SLC1A2: variants seen among roughly 807,000 people sequenced by gnomAD.
SLC1A2 encodes excitatory amino acid transporter 2.
SLC1A2 carries 15 observed loss-of-function variants against 48.8 expected under a neutral mutation model. The ratio of observed to expected loss-of-function variants is 0.31; its 90% CI spans 0.21 to 0.47. The LOEUF (loss-of-function observed/expected upper bound fraction) is 0.47, where lower values mean the gene tolerates loss of function less well. Among genes scored for constraint, SLC1A2 ranks in the 20% least tolerant of loss-of-function variants. The pLI, the probability that SLC1A2 is intolerant of heterozygous loss-of-function variation, is 0.99. For missense variants in SLC1A2, 502 were observed against 730.5 expected (o/e 0.69, Z 3.61); for synonymous variants, 279 against 272.6 (o/e 1.02, Z -0.23).
At chr11:35,300,542 C>G (rs1851319450) in intron 6 of SLC1A2, among the ~76,000 whole-genome samples, 1 of 152,214 alleles carries the variant, frequency 6.6e-6, no homozygotes, top group South Asian at 2.1e-4. Context: ...AAGGTGCCAA[C>G]TACGAGGAAT....
intron 10 of SLC1A2, among the ~76,000 whole-genome samples, chr11:35,262,195 T>C (rs1950404059): frequency 6.6e-6 from 1 of 152,230 alleles, no homozygotes; most frequent in African/African-American, 2.4e-5. Context: ...CCAGAGAAAG[T>C]TGTCTGTTCA....
intron 1 of SLC1A2, among the ~76,000 whole-genome samples, chr11:35,335,167 T>A (rs1324447811): frequency 6.6e-6 from 1 of 152,100 alleles, no homozygotes; most frequent in African/African-American, 2.4e-5. Flanking sequence ...TATGCATTGA[T>A]GGGGGGGAAG....
intron 2 of SLC1A2, 31 bp from the exon 3 acceptor site, chr11:35,315,206 AT>A: frequency 6.3e-7 from 1 of 1,599,562 alleles, no homozygotes; most frequent in Non-Finnish European, 8.6e-7. Flanking sequence ...ATATGAATTT[AT>A]TTTTTGCCTT....
chr11:35,287,014 T>A (rs1850843634), intron 7 of SLC1A2, 63 bp from the exon 8 acceptor site: 1 of 1,264,704 alleles, frequency 7.9e-7, no homozygotes, highest in Non-Finnish European at 1.1e-6. Flanking sequence ...GGACAATGCA[T>A]AAACTGGAAT....
intron 1 of SLC1A2, among the ~76,000 whole-genome samples, chr11:35,324,156 A>C (rs986944709): frequency 6.6e-6 from 1 of 152,258 alleles, no homozygotes; most frequent in African/African-American, 2.4e-5. Flanking sequence ...CAGCTAATAC[A>C]ATGAATGGCA....
chr11:35,309,762 G>A (rs1205287517), intron 4 of SLC1A2, among the ~76,000 whole-genome samples: 2 of 152,188 alleles, frequency 1.3e-5, no homozygotes, highest in African/African-American at 4.8e-5. Flanking sequence ...CCCTTTAAAA[G>A]AGTTTCCTGT....
Position 35,260,784 on chromosome 11 carries a change from A to C in SLC1A2, c.*110T>G. The C allele has an allele frequency of 1.2e-6, 1 of 807,554 alleles. No individual in the cohort carries two copies. The highest frequency in any genetic ancestry group is 2.1e-6 in the Non-Finnish European group (1 of 472,596). 50.0% of individuals were successfully genotyped at this position (807,554 alleles called of 1,614,324 possible). On this transcript the variant is annotated 3_prime_UTR_variant, in exon 11 of 11. Coordinates refer to ENST00000278379, the MANE Select transcript of SLC1A2 (RefSeq NM_004171.4). ...AAGCCTCGGCTAACAGATTAAGTAA[A>C]CATAGAAATATACGCATTTTTTTCC...
intron 1 of SLC1A2, among the ~76,000 whole-genome samples, chr11:35,394,212 A>G (rs1439725513): frequency 1.3e-5 from 2 of 151,972 alleles, no homozygotes; most frequent in African/African-American, 4.8e-5. Flanking sequence ...ATGATGTTGC[A>G]GCAAAGGCCT....
At chr11:35,371,728 C>A (rs992240270) in intron 1 of SLC1A2, among the ~76,000 whole-genome samples, 3 of 152,186 alleles carry the variant, frequency 2.0e-5, no homozygotes, top group Admixed American at 2.0e-4. Flanking sequence ...TGCACCCAAG[C>A]AACCATCCAC....
At chr11:35,314,640 G>A (rs1041280047) in intron 3 of SLC1A2, among the ~76,000 whole-genome samples, 20 of 151,258 alleles carry the variant, frequency 1.3e-4, no homozygotes, top group Non-Finnish European at 7.4e-5. Context: ...TTGAACCCAC[G>A]AGGCACAGGT....
intron 5 of SLC1A2, among the ~76,000 whole-genome samples, chr11:35,304,714 A>T (rs1356269679): frequency 6.6e-6 from 1 of 151,972 alleles, no homozygotes; most frequent in African/African-American, 2.4e-5. Flanking sequence ...CTTTCTCTCT[A>T]CCATTCTAGA....
intron 9 of SLC1A2, among the ~76,000 whole-genome samples, chr11:35,279,747 T>A (rs1850562915): frequency 6.6e-6 from 1 of 152,208 alleles, no homozygotes; most frequent in African/African-American, 2.4e-5. Context: ...AACCTCAGTG[T>A]CCTCATCTAT....
At chr11:35,360,411 T>C (rs1383356881) in intron 1 of SLC1A2, among the ~76,000 whole-genome samples, 1 of 152,210 alleles carries the variant, frequency 6.6e-6, no homozygotes, top group Non-Finnish European at 1.5e-5. Flanking sequence ...CCTGAGCCTG[T>C]CAGTAGCTCT....
chr11:35,271,534 TA>T (rs375556973), intron 9 of SLC1A2, among the ~76,000 whole-genome samples: 76 of 152,320 alleles, frequency 5.0e-4, no homozygotes, highest in African/African-American at 1.8e-3. Context: ...TGCTTCAAAA[TA>T]AGGGTATGGC....
chr11:35,405,930 C>T (rs756410201), intron 1 of SLC1A2, among the ~76,000 whole-genome samples: 7 of 152,224 alleles, frequency 4.6e-5, no homozygotes, highest in African/African-American at 4.8e-5. Flanking sequence ...CACCTGTTCC[C>T]TTCTGTCGTC....
At chr11:35,382,442 A>G (rs567345775) in intron 1 of SLC1A2, among the ~76,000 whole-genome samples, 4 of 152,264 alleles carry the variant, frequency 2.6e-5, no homozygotes, top group African/African-American at 4.8e-5. Flanking sequence ...GAACATCATG[A>G]ATCCATTTCA....
At chr11:35,391,802 A>G (rs1854777138) in intron 1 of SLC1A2, among the ~76,000 whole-genome samples, 1 of 152,210 alleles carries the variant, frequency 6.6e-6, no homozygotes, top group Non-Finnish European at 1.5e-5. Context: ...ATTTTCATTA[A>G]AACAGCTTGC....
At chr11:35,312,113 G>A in intron 4 of SLC1A2, 85 bp downstream of exon 4, 1 of 1,360,640 alleles carries the variant, frequency 7.3e-7, no homozygotes. Context: ...TTTCTACCCA[G>A]AGTTGGTCTG....
chr11:35,280,557 C>T (rs1223531111), intron 9 of SLC1A2: 3 of 309,622 alleles, frequency 9.7e-6, no homozygotes, highest in Non-Finnish European at 1.8e-5. Context: ...TTGTTTCTGG[C>T]TCTATTCATT....
Sources: allele counts gnomAD v4.1 joint callset (sites outside exome capture counted in the v4.1 genomes callset), GRCh38; gene constraint gnomAD v4.1.1; transcripts MANE v1.5; gene names NCBI Gene and HGNC (gene_info 2026-07-23, HGNC 2026-07-21).